The following ACP3 variants were observed in gnomAD, a reference collection of about 807,000 sequenced individuals.
ACP3 encodes acid phosphatase 3.
ACP3 carries 38 observed loss-of-function variants against 45.6 expected under a neutral mutation model. The observed-to-expected ratio is 0.83, with a 90% confidence interval of 0.64 to 1.09. ACP3 has a LOEUF of 1.09. Ranked by LOEUF, ACP3 falls within the 50% of genes least tolerant of loss-of-function variation. ACP3 has a pLI of 0.00. For missense variants in ACP3, 466 were observed against 463.2 expected (o/e 1.01, Z -0.05); for synonymous variants, 162 against 164.7 (o/e 0.98, Z 0.13).
intron 1 of ACP3, among the ~76,000 whole-genome samples, chr3:132,320,486 A>G (rs1172003577): frequency 6.6e-6 from 1 of 152,078 alleles, no homozygotes; most frequent in Non-Finnish European, 1.5e-5. Flanking sequence ...GTCTCCCCTA[A>G]CCCAGAGAAA....
chr3:132,339,137 G>C (rs905430341), intron 5 of ACP3, among the ~76,000 whole-genome samples: 75 of 151,816 alleles, frequency 4.9e-4, no homozygotes, highest in African/African-American at 1.7e-3. Context: ...AATATCCCTT[G>C]ACTATTTTTC....
chr3:132,351,545 A>G (rs949484895), intron 8 of ACP3, among the ~76,000 whole-genome samples: 1 of 152,188 alleles, frequency 6.6e-6, no homozygotes, highest in African/African-American at 2.4e-5. Context: ...AAGTTTGTTT[A>G]TTATCAGGAG....
At chr3:132,352,694 G>A (rs755114443) in intron 8 of ACP3, 26 bp from the exon 9 acceptor site, 3 of 1,528,152 alleles carry the variant, frequency 2.0e-6, no homozygotes, top group East Asian at 4.5e-5. Flanking sequence ...CTGAACAGGC[G>A]ATAAAATTGA....
At chr3:132,343,470 T>C (rs1937574182) in intron 6 of ACP3, among the ~76,000 whole-genome samples, 1 of 152,242 alleles carries the variant, frequency 6.6e-6, no homozygotes, top group African/African-American at 2.4e-5. Context: ...TGAAAATTCA[T>C]TAGCATTGTA....
At chr3:132,351,752 G>A (rs1458493370) in intron 8 of ACP3, among the ~76,000 whole-genome samples, 2 of 150,846 alleles carry the variant, frequency 1.3e-5, no homozygotes, top group Admixed American at 6.6e-5. Context: ...TACTTCTAAC[G>A]CCTTTTGAAT....
intron 8 of ACP3, among the ~76,000 whole-genome samples, chr3:132,350,741 T>C (rs1937710794): frequency 6.6e-6 from 1 of 152,166 alleles, no homozygotes; most frequent in African/African-American, 2.4e-5. Context: ...GCTTCTTTGT[T>C]TAATTGTAGA....
chr3:132,342,697 G>A (rs1937566447), intron 6 of ACP3, 53 bp downstream of exon 6: 1 of 1,125,590 alleles, frequency 8.9e-7, no homozygotes, highest in African/African-American at 1.6e-5. Context: ...TATGATTTAT[G>A]CTTATTTTGA....
At chr3:132,325,123 A>G (rs1184375519) in intron 1 of ACP3, among the ~76,000 whole-genome samples, 1 of 152,198 alleles carries the variant, frequency 6.6e-6, no homozygotes, top group African/African-American at 2.4e-5. Context: ...CACAGAATTA[A>G]AAGAATGTCT....
chr3:132,320,246 A>G (rs955618560), intron 1 of ACP3, among the ~76,000 whole-genome samples: 1 of 152,100 alleles, frequency 6.6e-6, no homozygotes, highest in African/African-American at 2.4e-5. Flanking sequence ...TTTTTCCCCA[A>G]TGTCCTGTAG....
In ACP3 at chr3:132,342,658, A is replaced by T; in HGVS notation, c.648+14A>T. 6.7e-7 allele frequency: 1 copy of T among 1,495,556 alleles called. No individual in the cohort carries two copies. The highest frequency in any genetic ancestry group is 9.1e-7 in the Non-Finnish European group (1 of 1,096,090). The allele number at this position is 1,495,556 out of a possible 1,614,324, so 92.6% of individuals were successfully genotyped here. A position where few individuals can be genotyped will look rare whatever the true frequency, so the allele number is the denominator to read the frequency against. ...TTATATTGTGAGGTAAAAGAAAAAA[A>T]AATCACAGGTTAACTTGCAATCTGA... On this transcript the variant is annotated intron_variant, in intron 6 of 9. Transcript: ENST00000336375.
In ACP3 at chr3:132,358,473, G is replaced by A; in HGVS notation, c.*1595G>A. On this transcript the variant is annotated 3_prime_UTR_variant, in exon 10 of 10. Transcript: ENST00000336375. ...AAATCATGATATAGCTTTGCCATGT[G>A]GCAGATCTACATGTCTAGAGAACAC... 1 of 1,274,818 alleles carries A rather than the reference G, an allele frequency of 7.8e-7. No homozygotes were observed. The allele number at this position is 1,274,818 out of a possible 1,614,324, so 79.0% of individuals were successfully genotyped here.
At chr3:132,350,829 G>C (rs1576424584) in intron 8 of ACP3, among the ~76,000 whole-genome samples, 1 of 152,184 alleles carries the variant, frequency 6.6e-6, no homozygotes, top group Admixed American at 6.5e-5. Flanking sequence ...CAGGATAGGA[G>C]CAGCATTTTG....
chr3:132,353,567 A>G (rs1043986411), intron 9 of ACP3, among the ~76,000 whole-genome samples: 1 of 152,200 alleles, frequency 6.6e-6, no homozygotes, highest in East Asian at 1.9e-4. Flanking sequence ...TTAGTGAAAT[A>G]AGAGCAAGGA....
chr3:132,320,570 TTACAAGG>T (rs780664691), intron 1 of ACP3, among the ~76,000 whole-genome samples: 3 of 152,170 alleles, frequency 2.0e-5, no homozygotes, highest in Non-Finnish European at 2.9e-5. Context: ...GAATGATGAC[TTACAAGG>T]TATACACTCT....
At chr3:132,354,788 T>C (rs951091273) in intron 9 of ACP3, among the ~76,000 whole-genome samples, 1 of 152,258 alleles carries the variant, frequency 6.6e-6, no homozygotes, top group Admixed American at 6.5e-5. Flanking sequence ...TCATAGACTA[T>C]ATAAAATAAT....
At chr3:132,345,461 T>C (rs919629976) in intron 7 of ACP3, among the ~76,000 whole-genome samples, 1 of 152,234 alleles carries the variant, frequency 6.6e-6, no homozygotes, top group Non-Finnish European at 1.5e-5. Context: ...TTGTGTCTTG[T>C]GGCCTATATG....
At chr3:132,348,665 T>C (rs1415935018) in intron 7 of ACP3, among the ~76,000 whole-genome samples, 2 of 152,180 alleles carry the variant, frequency 1.3e-5, no homozygotes, top group African/African-American at 4.8e-5. Flanking sequence ...CTAAAGTCCC[T>C]AATGCATTCC....
rs1937411930 is a variant in ACP3 at position 132,332,231 on chromosome 3, A to C, written c.343A>C (p.Ser115Arg). 6.2e-7 allele frequency: 1 copy of C among 1,613,990 alleles called. No individual in the cohort carries two copies. Among genetic ancestry groups the C allele is most frequent in the Non-Finnish European group, 8.5e-7 (1 of 1,180,028 alleles). ...RSTDVDRTLMSAMTNLAALFP... is the reference protein window; with the variant it reads ...RSTDVDRTLMRAMTNLAALFP... ...CACAGACGTTGACCGGACTTTGATG[A>C]GTGCTATGACAAACCTGGCAGCCCT... Residue 115 changes from serine to arginine, a missense_variant, in exon 4 of 10, where the codon AGT becomes CGT. Transcript: ENST00000336375.
intron 7 of ACP3, among the ~76,000 whole-genome samples, chr3:132,349,655 C>G (rs933997490): frequency 6.6e-6 from 1 of 152,090 alleles, no homozygotes; most frequent in Admixed American, 6.5e-5. Context: ...CTTTCCTTAC[C>G]TGGCTGTGTG....
Sources: allele counts gnomAD v4.1 joint callset (sites outside exome capture counted in the v4.1 genomes callset), GRCh38; gene constraint gnomAD v4.1.1; transcripts MANE v1.5; gene names NCBI Gene and HGNC (gene_info 2026-07-23, HGNC 2026-07-21).